IQGAP2: variants seen among roughly 807,000 people sequenced by gnomAD.
IQGAP2 encodes the protein ras GTPase-activating-like protein IQGAP2.
IQGAP2 carries 173 observed loss-of-function variants against 201.3 expected under a neutral mutation model. The observed-to-expected ratio is 0.86, with a 90% CI of 0.76 to 0.98. IQGAP2 has a LOEUF of 0.98. Ranked by LOEUF, IQGAP2 falls within the 50% of genes least tolerant of loss-of-function variation. The probability of loss-of-function intolerance (pLI) is 0.00; values close to 1 mark genes in which losing one functional copy is unlikely to be tolerated. For synonymous variants in IQGAP2, 675 were observed against 673.9 expected (o/e 1.00, Z -0.03); for missense variants, 1,687 against 1,864.8 (o/e 0.90, Z 1.76).
intron 17 of IQGAP2, among the ~76,000 whole-genome samples, chr5:76,650,053 C>T (rs1042279352): frequency 2.0e-5 from 3 of 152,240 alleles, no homozygotes; most frequent in Non-Finnish European, 4.4e-5. Flanking sequence ...TGTCCCAAGG[C>T]TGTGCAGTGC....
intron 17 of IQGAP2, among the ~76,000 whole-genome samples, chr5:76,651,293 C>G (rs1458463449): frequency 6.6e-6 from 1 of 152,164 alleles, no homozygotes. Context: ...TTTTCTAGCA[C>G]TATTATGGAT....
intron 2 of IQGAP2, among the ~76,000 whole-genome samples, chr5:76,521,060 A>C (rs565577455): frequency 6.6e-6 from 1 of 152,054 alleles, no homozygotes; most frequent in East Asian, 1.9e-4. Flanking sequence ...AGTGTTTTAT[A>C]GTTTTTATCT....
At position 76,590,400 on chromosome 5, in the gene IQGAP2, C is replaced by CT. The variant is rs1188089427; in HGVS notation, c.641-3dup. The CT allele has an allele frequency of 2.5e-6, 4 of 1,578,564 alleles. No individual in the cohort carries two copies. Among genetic ancestry groups the CT allele is most frequent in the Non-Finnish European group, 3.4e-6 (4 of 1,162,312 alleles). On this transcript the variant is annotated splice_region_variant and splice_polypyrimidine_tract_variant and intron_variant, in intron 7 of 35. Transcript: ENST00000274364. Reference sequence around the variant, plus strand: ...AAACCTTTTTCTCTCTCTCTCTTTACTTTTTAGTACATGCTGCAGTTATAG... The same window carrying CT: ...AAACCTTTTTCTCTCTCTCTCTTTACTTTTTTAGTACATGCTGCAGTTATAG...
At position 76,575,572 on chromosome 5, in the gene IQGAP2, G is replaced by A. The variant is rs192746554; in HGVS notation, c.382-121G>A. Reference sequence around the variant, plus strand: ...AGCAAGATGAAGCAATGGCAGAGAGGTTCCTCTATATTTAAATAATTATAG... The same window carrying A: ...AGCAAGATGAAGCAATGGCAGAGAGATTCCTCTATATTTAAATAATTATAG... On this transcript the variant is annotated intron_variant, in intron 4 of 35. Coordinates refer to ENST00000274364, the MANE Select transcript of IQGAP2 (RefSeq NM_006633.5). The A allele has an allele frequency of 1.3e-3, 680 of 518,178 alleles. 4 individuals are homozygous for A. Among genetic ancestry groups the A allele is most frequent in the African/African-American group, 0.012 (592 of 50,060 alleles). The allele number at this position is 518,178 out of a possible 1,614,324, so 32.1% of individuals were successfully genotyped here.
At chr5:76,510,543 C>T in intron 2 of IQGAP2, 1 of 431,360 alleles carries the variant, frequency 2.3e-6, no homozygotes, top group Non-Finnish European at 4.7e-6. Context: ...GTGCTGGACC[C>T]CGCCAAGGTA....
intron 2 of IQGAP2, among the ~76,000 whole-genome samples, chr5:76,558,385 C>G (rs1744097163): frequency 6.6e-6 from 1 of 151,826 alleles, no homozygotes; most frequent in South Asian, 2.1e-4. Context: ...TTGCATTTTT[C>G]CAAGATAATT....
intron 2 of IQGAP2, among the ~76,000 whole-genome samples, chr5:76,511,220 T>TA: frequency 6.6e-6 from 1 of 152,306 alleles, no homozygotes; most frequent in South Asian, 2.1e-4. Context: ...GATGGGTGGC[T>TA]AATGGTATTG....
chr5:76,698,760 T>C (rs1224011277), intron 33 of IQGAP2, among the ~76,000 whole-genome samples: 2 of 152,318 alleles, frequency 1.3e-5, no homozygotes, highest in East Asian at 3.9e-4. Flanking sequence ...CATTTAAATA[T>C]GTAGTACAAT....
intron 30 of IQGAP2, among the ~76,000 whole-genome samples, chr5:76,684,689 A>G (rs1207015997): frequency 2.6e-5 from 4 of 152,220 alleles, no homozygotes; most frequent in African/African-American, 7.2e-5. Context: ...GACAAAGGGA[A>G]CAAGTATGTG....
intron 3 of IQGAP2, 50 bp downstream of exon 3, chr5:76,562,602 G>T (rs370923827): frequency 6.7e-7 from 1 of 1,502,234 alleles, no homozygotes; most frequent in Non-Finnish European, 9.2e-7. Context: ...TGAAAGTTTG[G>T]TATTTCATAT....
intron 2 of IQGAP2, among the ~76,000 whole-genome samples, chr5:76,555,412 T>A (rs915003170): frequency 1.3e-5 from 2 of 152,222 alleles, no homozygotes; most frequent in African/African-American, 2.4e-5. Context: ...CTCAGAGTAT[T>A]AAGCGACCTG....
chr5:76,522,821 C>G (rs1394818954), intron 2 of IQGAP2, among the ~76,000 whole-genome samples: 1 of 152,186 alleles, frequency 6.6e-6, no homozygotes, highest in Non-Finnish European at 1.5e-5. Context: ...AAGCCACTTA[C>G]TTTGAATATC....
chr5:76,555,677 C>T (rs1324817887), intron 2 of IQGAP2, among the ~76,000 whole-genome samples: 1 of 152,116 alleles, frequency 6.6e-6, no homozygotes, highest in African/African-American at 2.4e-5. Flanking sequence ...GGTGAGGAGA[C>T]ACAACAGCTG....
At chr5:76,551,282 A>G (rs1743486715) in intron 2 of IQGAP2, among the ~76,000 whole-genome samples, 1 of 146,660 alleles carries the variant, frequency 6.8e-6, no homozygotes, top group African/African-American at 2.6e-5. Context: ...GGCGCTCCCC[A>G]CATCTCAGAT....
At chr5:76,490,610 CGGCCT>C (rs991593296) in intron 2 of IQGAP2, among the ~76,000 whole-genome samples, 2 of 152,110 alleles carry the variant, frequency 1.3e-5, no homozygotes, top group Non-Finnish European at 2.9e-5. Context: ...TCAAGTGGGG[CGGCCT>C]GGCCAAAATG....
intron 28 of IQGAP2, among the ~76,000 whole-genome samples, chr5:76,677,893 T>C (rs1292222602): frequency 6.6e-6 from 1 of 152,176 alleles, no homozygotes; most frequent in Non-Finnish European, 1.5e-5. Flanking sequence ...ATCGTGCCAC[T>C]GCACTCCAGC....
chr5:76,556,955 G>T (rs528931424), intron 2 of IQGAP2, among the ~76,000 whole-genome samples: 17 of 152,272 alleles, frequency 1.1e-4, no homozygotes, highest in African/African-American at 3.6e-4. Context: ...CTGTTGCAAG[G>T]TAGGTGACAA....
intron 2 of IQGAP2, among the ~76,000 whole-genome samples, chr5:76,524,460 C>T (rs762461785): frequency 4.6e-5 from 7 of 152,124 alleles, no homozygotes; most frequent in African/African-American, 9.7e-5. Context: ...AGTACCGATC[C>T]GATCCAGTGA....
In IQGAP2 at chr5:76,562,334, C is replaced by T. The variant is rs557245686; in HGVS notation, c.147-62C>T. The stretch of plus-strand genomic sequence containing the variant: ...ACACACACAGCGAAATGCTGCATGC[C>T]TTCATTTGCAGAAAGTTACCCAACT... On this transcript the variant is annotated intron_variant, in intron 2 of 35. Coordinates refer to ENST00000274364, the MANE Select transcript of IQGAP2 (RefSeq NM_006633.5). 76 of 1,254,636 alleles carry T rather than the reference C, an allele frequency of 6.1e-5. 1 individual carries two copies. In the East Asian group the frequency reaches 8.5e-4, roughly 14 times the overall value. The allele number at this position is 1,254,636 out of a possible 1,614,324, so 77.7% of individuals were successfully genotyped here. A position where few individuals can be genotyped will look rare whatever the true frequency, so the allele number is the denominator to read the frequency against.
Sources: gnomAD v4.1 joint callset for allele counts (sites outside exome capture counted in the v4.1 genomes callset) on GRCh38, gnomAD v4.1.1 for gene constraint, MANE v1.5 for transcripts, NCBI Gene and HGNC (gene_info 2026-07-23, HGNC 2026-07-21) for gene names.